The following LINGO2 variants were observed in gnomAD, a reference collection of about 807,000 sequenced individuals.
LINGO2 encodes the protein leucine rich repeat and Ig domain containing 2.
Under a neutral mutation model 30.6 loss-of-function variants are expected in LINGO2, and 14 were observed. The ratio of observed to expected loss-of-function variants is 0.46; its 90% CI spans 0.30 to 0.72. The LOEUF (loss-of-function observed/expected upper bound fraction) is 0.72, where lower values mean the gene tolerates loss of function less well. Ranked by LOEUF, LINGO2 falls within the 30% of genes least tolerant of loss-of-function variation. LINGO2 has a pLI of 0.07. For missense variants in LINGO2, 729 were observed against 751.7 expected (o/e 0.97, Z 0.35); for synonymous variants, 317 against 288.5 (o/e 1.10, Z -1.00).
chr9:28,752,432 G>A, the LINGO2 span, among the ~76,000 whole-genome samples: 1 of 151,966 alleles, frequency 6.6e-6, no homozygotes, highest in Non-Finnish European at 1.5e-5. Flanking sequence ...AACATTTGAT[G>A]ACACATGATT....
chr9:28,063,287 G>C (rs900904631), intron 4 of LINGO2, among the ~76,000 whole-genome samples: 1 of 152,050 alleles, frequency 6.6e-6, no homozygotes, highest in African/African-American at 2.4e-5. Flanking sequence ...ATACCTCACA[G>C]AGATTTTTCT....
At chr9:28,671,925 ATAT>A (rs1220414728), upstream of LINGO2, among the ~76,000 whole-genome samples, 2 of 152,126 alleles carry the variant, frequency 1.3e-5, no homozygotes, top group Non-Finnish European at 2.9e-5. Flanking sequence ...GGATTTATAA[ATAT>A]TATATTATCA....
intron 4 of LINGO2, among the ~76,000 whole-genome samples, chr9:28,102,071 G>A (rs913634685): frequency 2.0e-5 from 3 of 151,904 alleles, no homozygotes; most frequent in Admixed American, 6.6e-5. Context: ...TGAATGCTTT[G>A]TTCGGCTGCC....
intron 1 of LINGO2, among the ~76,000 whole-genome samples, chr9:28,652,133 G>A (rs543365861): frequency 6.6e-5 from 10 of 152,046 alleles, no homozygotes; most frequent in African/African-American, 2.4e-4. Context: ...TAAGCACAAG[G>A]ACATGTTTCA....
chr9:29,183,397 G>C, the LINGO2 span, among the ~76,000 whole-genome samples: 1 of 152,168 alleles, frequency 6.6e-6, no homozygotes, highest in African/African-American at 2.4e-5. Context: ...AGACCAGCCG[G>C]ATGGTGCCAG....
At chr9:29,194,977 C>T in the LINGO2 span, among the ~76,000 whole-genome samples, 4 of 152,152 alleles carry the variant, frequency 2.6e-5, no homozygotes, top group Admixed American at 6.6e-5. Flanking sequence ...AGTCCAGATA[C>T]AGAACAGCTC....
At chr9:28,209,423 G>A (rs1399469067) in intron 4 of LINGO2, among the ~76,000 whole-genome samples, 1 of 151,718 alleles carries the variant, frequency 6.6e-6, no homozygotes, top group Non-Finnish European at 1.5e-5. Context: ...TTTTCATACT[G>A]CAGGTGGTCT....
chr9:28,501,799 AT>A (rs1232741293), intron 1 of LINGO2, among the ~76,000 whole-genome samples: 1 of 152,124 alleles, frequency 6.6e-6, no homozygotes, highest in Non-Finnish European at 1.5e-5. Context: ...TTTATTGTCC[AT>A]TTTTCCATCG....
At chr9:28,370,319 A>G (rs1460460977) in intron 3 of LINGO2, among the ~76,000 whole-genome samples, 1 of 152,050 alleles carries the variant, frequency 6.6e-6, no homozygotes, top group Non-Finnish European at 1.5e-5. Flanking sequence ...TCTTTTGACC[A>G]CCTCCTCCTC....
At chr9:28,232,681 C>T (rs1821400986) in intron 4 of LINGO2, among the ~76,000 whole-genome samples, 1 of 151,826 alleles carries the variant, frequency 6.6e-6, no homozygotes, top group Non-Finnish European at 1.5e-5. Flanking sequence ...TAACTGCAGT[C>T]ATTATTCTGT....
At chr9:28,848,201 GTA>G in the LINGO2 span, among the ~76,000 whole-genome samples, 47 of 85,940 alleles carry the variant, frequency 5.5e-4, 1 homozygote, top group South Asian at 3.8e-3. Flanking sequence ...CACATATATA[GTA>G]TATATATACT....
At chr9:29,096,744 C>T in the LINGO2 span, among the ~76,000 whole-genome samples, 2 of 140,200 alleles carry the variant, frequency 1.4e-5, no homozygotes, top group African/African-American at 2.7e-5. Context: ...ATTTGGTTTT[C>T]CACTTTGGAC....
At chr9:28,003,384 T>TAG (rs199644965) in intron 5 of LINGO2, among the ~76,000 whole-genome samples, 7,937 of 141,788 alleles carry the variant, frequency 0.056, 241 homozygotes, top group Non-Finnish European at 0.077. Flanking sequence ...GATAGATAGA[T>TAG]ATAGAGAGAG....
At chr9:28,684,175 C>CTTTTTTTTTTTTTTTTTTTTTTTTTT in the LINGO2 span, among the ~76,000 whole-genome samples, 1 of 45,430 alleles carries the variant, frequency 2.2e-5, no homozygotes, top group Admixed American at 4.3e-4. Context: ...AAATGTTTAT[C>CTTTTTTTTTTTTTTTTTTTTTTTTTT]TTTTTTTTTT....
chr9:29,090,070 C>G, the LINGO2 span, among the ~76,000 whole-genome samples: 1 of 151,684 alleles, frequency 6.6e-6, no homozygotes, highest in African/African-American at 2.4e-5. Context: ...TAAATTATAA[C>G]TTAATTATAT....
chr9:29,194,380 TG>T, the LINGO2 span, among the ~76,000 whole-genome samples: 15 of 152,188 alleles, frequency 9.9e-5, no homozygotes, highest in Admixed American at 3.9e-4. Context: ...ACTCTCATTC[TG>T]GGGTCCTCTC....
chr9:28,753,639 T>A, the LINGO2 span, among the ~76,000 whole-genome samples: 3 of 152,122 alleles, frequency 2.0e-5, 1 homozygote, highest in African/African-American at 7.2e-5. Context: ...AAAGTAAATA[T>A]GGTGTCAAGA....
At chr9:28,557,442 A>G (rs990643712) in intron 1 of LINGO2, among the ~76,000 whole-genome samples, 14 of 152,088 alleles carry the variant, frequency 9.2e-5, no homozygotes, top group Admixed American at 5.2e-4. Context: ...CAAAACCACA[A>G]TGAGATACCA....
chr9:29,028,351 C>A, the LINGO2 span, among the ~76,000 whole-genome samples: 1 of 145,486 alleles, frequency 6.9e-6, no homozygotes, highest in Non-Finnish European at 1.5e-5. Flanking sequence ...AGGAGGGTTT[C>A]ATTCAGGTGA....
Sources: gnomAD v4.1 joint callset for allele counts (sites outside exome capture counted in the v4.1 genomes callset) on GRCh38, gnomAD v4.1.1 for gene constraint, MANE v1.5 for transcripts, NCBI Gene and HGNC (gene_info 2026-07-23, HGNC 2026-07-21) for gene names.